The following TRMT11 variants were observed in gnomAD, a reference collection of about 807,000 sequenced individuals.
TRMT11 encodes tRNA methyltransferase 11, also known as tRNA (guanine(10)-N(2))-methyltransferase TRMT11.
Under a neutral mutation model 62.8 loss-of-function variants are expected in TRMT11, and 53 were observed. The ratio of observed to expected loss-of-function variants is 0.84; its 90% CI spans 0.68 to 1.06. The LOEUF is 1.06. TRMT11 is among the 50% of genes least tolerant of loss of function. The pLI is 0.00. For missense variants in TRMT11, 556 were observed against 553.4 expected (o/e 1.00, Z -0.05); for synonymous variants, 188 against 190.3 (o/e 0.99, Z 0.10).
At chr6:125,997,998 T>C in intron 3 of TRMT11, 55 bp from the exon 4 acceptor site, 1 of 1,220,332 alleles carries the variant, frequency 8.2e-7, no homozygotes, top group Non-Finnish European at 1.2e-6. Context: ...ACTGTATGTA[T>C]TCCTGTGTGA....
At chr6:125,991,109 G>T (rs1437561617) in intron 1 of TRMT11, among the ~76,000 whole-genome samples, 1 of 151,876 alleles carries the variant, frequency 6.6e-6, no homozygotes, top group Non-Finnish European at 1.5e-5. Context: ...AGCCAGATGT[G>T]GTGGTGTGCG....
rs1363064205 is a variant in TRMT11, at chr6:125,998,203, C to A, written c.295-20C>A. The A allele has an allele frequency of 3.8e-6, 6 of 1,597,548 alleles. No homozygotes were observed. In the South Asian group the frequency reaches 6.6e-5, roughly 18 times the overall value. On this transcript the variant is annotated intron_variant, in intron 4 of 12. Coordinates refer to ENST00000334379, the MANE Select transcript of TRMT11 (RefSeq NM_001031712.3). ...CTGTAGAATTAAAATACTCAAAAAA[C>A]TGATTTCCTTTTATTTTAGGTTCCA...
chr6:126,137,610 T>C (rs982799176), intron 21 of TRMT11, among the ~76,000 whole-genome samples: 3 of 151,832 alleles, frequency 2.0e-5, no homozygotes, highest in Non-Finnish European at 4.4e-5. Context: ...AATCATTCCA[T>C]TGCTGGGTAT....
At chr6:126,150,598 T>C (rs1175328683) in intron 21 of TRMT11, among the ~76,000 whole-genome samples, 1 of 152,200 alleles carries the variant, frequency 6.6e-6, no homozygotes, top group Non-Finnish European at 1.5e-5. Flanking sequence ...GTGGTTTCTC[T>C]ATCATCTATG....
intron 21 of TRMT11, among the ~76,000 whole-genome samples, chr6:126,159,517 C>T (rs117644214): frequency 6.6e-6 from 1 of 152,310 alleles, no homozygotes; most frequent in East Asian, 1.9e-4. Context: ...CCACTGATCA[C>T]TACATAGAGG....
At chr6:126,227,300 G>A in the TRMT11 span, among the ~76,000 whole-genome samples, 1 of 152,316 alleles carries the variant, frequency 6.6e-6, no homozygotes. Context: ...GAGTCTTGGG[G>A]AGAAGACTCC....
intron 3 of TRMT11, among the ~76,000 whole-genome samples, chr6:126,200,469 A>G (rs1235608002): frequency 1.3e-5 from 2 of 152,024 alleles, no homozygotes; most frequent in African/African-American, 4.8e-5. Flanking sequence ...GTTTATACCT[A>G]GTTATGAATT....
the TRMT11 span, among the ~76,000 whole-genome samples, chr6:126,263,616 A>G: frequency 6.6e-5 from 10 of 152,344 alleles, no homozygotes; most frequent in African/African-American, 2.4e-4. Flanking sequence ...TTCAATTCAA[A>G]TAAGCGTTCA....
At chr6:126,058,559 T>G (rs1364872284) in intron 17 of TRMT11, among the ~76,000 whole-genome samples, 1 of 152,154 alleles carries the variant, frequency 6.6e-6, no homozygotes, top group Non-Finnish European at 1.5e-5. Context: ...TGAACTAATT[T>G]ACACTCCTAC....
chr6:126,067,413 G>A (rs965292030), intron 17 of TRMT11, among the ~76,000 whole-genome samples: 1 of 152,102 alleles, frequency 6.6e-6, no homozygotes, highest in Non-Finnish European at 1.5e-5. Flanking sequence ...TACCCATATA[G>A]TTTTACCACT....
At chr6:126,133,264 T>G (rs1777809394) in intron 21 of TRMT11, among the ~76,000 whole-genome samples, 2 of 152,032 alleles carry the variant, frequency 1.3e-5, no homozygotes, top group African/African-American at 4.8e-5. Flanking sequence ...TTAGAACATC[T>G]TTTAAATCTT....
At chr6:126,075,106 G>A (rs1277538613) in intron 17 of TRMT11, among the ~76,000 whole-genome samples, 3 of 152,116 alleles carry the variant, frequency 2.0e-5, no homozygotes, top group Admixed American at 6.6e-5. Flanking sequence ...CCAATTAAGT[G>A]CTCTGTGTAA....
upstream of TRMT11, among the ~76,000 whole-genome samples, chr6:126,176,340 C>T (rs558527473): frequency 6.6e-6 from 1 of 152,166 alleles, no homozygotes; most frequent in South Asian, 2.1e-4. Flanking sequence ...CCCTAAAATC[C>T]AATCAATTTA....
chr6:126,160,523 C>T (rs1164246337), intron 21 of TRMT11, among the ~76,000 whole-genome samples: 2 of 152,116 alleles, frequency 1.3e-5, no homozygotes, highest in Non-Finnish European at 2.9e-5. Context: ...GCGATCTCAA[C>T]AATAGGAAGA....
At chr6:126,113,987 T>TG (rs982013437) in intron 18 of TRMT11, among the ~76,000 whole-genome samples, 22 of 152,200 alleles carry the variant, frequency 1.4e-4, no homozygotes, top group Admixed American at 1.4e-3. Flanking sequence ...TTACAAAATG[T>TG]GGGTTGCAAC....
chr6:126,152,755 T>C (rs953823702), intron 21 of TRMT11, among the ~76,000 whole-genome samples: 3 of 152,192 alleles, frequency 2.0e-5, no homozygotes, highest in Non-Finnish European at 4.4e-5. Flanking sequence ...GTTGTATTAC[T>C]CAGGAAGAAA....
chr6:126,089,842 A>G (rs1414644310), intron 17 of TRMT11, among the ~76,000 whole-genome samples: 3 of 152,210 alleles, frequency 2.0e-5, no homozygotes, highest in Non-Finnish European at 2.9e-5. Flanking sequence ...ATTTTTTTCC[A>G]ATGTTAAAAG....
chr6:125,987,419 G>A (rs1204131490), intron 1 of TRMT11, among the ~76,000 whole-genome samples: 1 of 152,180 alleles, frequency 6.6e-6, no homozygotes, highest in African/African-American at 2.4e-5. Context: ...TGGCAGAGTG[G>A]TAAGAAGAGA....
the TRMT11 span, among the ~76,000 whole-genome samples, chr6:126,239,477 G>A: frequency 2.0e-5 from 3 of 152,048 alleles, no homozygotes; most frequent in African/African-American, 7.2e-5. Context: ...AGCTTAGTTT[G>A]GCTGGATATG....
Sources: gnomAD v4.1 joint callset for allele counts (sites outside exome capture counted in the v4.1 genomes callset) on GRCh38, gnomAD v4.1.1 for gene constraint, MANE v1.5 for transcripts, NCBI Gene and HGNC (gene_info 2026-07-23, HGNC 2026-07-21) for gene names.